Variants in GPM6A observed in about 807,000 individuals in gnomAD.
The protein encoded by GPM6A is neuronal membrane glycoprotein M6-a.
In GPM6A, 7 loss-of-function variants were observed where a neutral mutation model predicts 32.1. The observed-to-expected ratio is 0.22, with a 90% CI of 0.12 to 0.41. GPM6A has a LOEUF of 0.41. GPM6A is among the 10% of genes least tolerant of loss of function. The pLI is 1.00. For synonymous variants in GPM6A, 130 were observed against 123.4 expected, an observed-to-expected ratio of 1.05 and a Z score of -0.35; for missense variants, 235 against 347.2, an observed-to-expected ratio of 0.68 and a Z score of 2.57.
rs73008129 is a variant in GPM6A, at chr4:175,833,393, C to T, written c.-22-21144G>A. Among the ~76,000 whole-genome samples the T allele has an allele frequency of 4.8e-3, 735 of 152,232 alleles. 6 individuals are homozygous for T. Among genetic ancestry groups the T allele is most frequent in the African/African-American group, 0.016 (664 of 41,544 alleles). On this transcript the variant is annotated intron_variant, in intron 1 of 7. Transcript: ENST00000280187. Reference sequence around the variant, plus strand: ...AGGACTCTGTAGAAGCATGCAGAGACGCAGCTGAATGCTAGTCCGTTTGTT... The same window carrying T: ...AGGACTCTGTAGAAGCATGCAGAGATGCAGCTGAATGCTAGTCCGTTTGTT...
intron 4 of GPM6A, 112 bp downstream of exon 4, chr4:175,651,722 G>A: frequency 2.6e-6 from 2 of 767,376 alleles, no homozygotes; most frequent in Non-Finnish European, 4.3e-6. Flanking sequence ...TATCTCTGTG[G>A]TAGAAAAGGT....
At position 175,820,885 on chromosome 4, in the gene GPM6A, C is replaced by T. The variant is rs112373536; in HGVS notation, c.-22-8636G>A. 2.9e-3 allele frequency among the ~76,000 whole-genome samples: 437 copies of T among 152,198 alleles called. 1 individual carries two copies. Among genetic ancestry groups the T allele is most frequent in the African/African-American group, 1.0e-2 (415 of 41,536 alleles). ...CTTCCTCAATCTTTTAATGTATATG[C>T]GGATCTGTTGATAAACATTTAATAT... On this transcript the variant is annotated intron_variant, in intron 1 of 7. Coordinates refer to the GPM6A transcript ENST00000280187.
rs1423688187 is a variant in GPM6A at position 175,823,236 on chromosome 4, A to G, written c.-22-10987T>C. Among the ~76,000 whole-genome samples the G allele has an allele frequency of 2.6e-5, 4 of 152,216 alleles. No homozygotes were observed. The East Asian group carries it at 7.7e-4, about 29-fold the overall frequency. On this transcript the variant is annotated intron_variant, in intron 1 of 7. Coordinates refer to the GPM6A transcript ENST00000280187. ...AAGTCATTCAATACTTGATTAACAC[A>G]GTTGTTAGCCAACACATGTTAGCTT...
chr4:175,983,607 A>C (rs1740879876), intron 1 of GPM6A, among the ~76,000 whole-genome samples: 1 of 152,168 alleles, frequency 6.6e-6, no homozygotes, highest in Non-Finnish European at 1.5e-5. Context: ...ATGTTAAACC[A>C]TTTGAAACCA....
chr4:175,822,733 C>T (rs760519255), intron 1 of GPM6A, among the ~76,000 whole-genome samples: 1 of 151,172 alleles, frequency 6.6e-6, no homozygotes, highest in Non-Finnish European at 1.5e-5. Flanking sequence ...CATAGGTATA[C>T]ATGTGCCATG....
intron 2 of GPM6A, among the ~76,000 whole-genome samples, chr4:175,683,957 G>T (rs574981029): frequency 1.3e-5 from 2 of 151,340 alleles, no homozygotes; most frequent in Non-Finnish European, 2.9e-5. Context: ...TCAGCCTCCC[G>T]AATTGCTGGG....
intron 1 of GPM6A, among the ~76,000 whole-genome samples, chr4:175,838,430 A>T (rs1224974126): frequency 6.6e-6 from 1 of 150,472 alleles, no homozygotes; most frequent in Non-Finnish European, 1.5e-5. Flanking sequence ...TTCTACCCTA[A>T]ATAAGGAAAG....
intron 1 of GPM6A, among the ~76,000 whole-genome samples, chr4:175,782,495 A>G (rs1022447978): frequency 6.6e-6 from 1 of 152,142 alleles, no homozygotes; most frequent in South Asian, 2.1e-4. Flanking sequence ...CATATCTCTA[A>G]TATGTTTTTC....
rs531101103 is a variant in GPM6A at position 175,912,332 on chromosome 4, C to T, written c.-23+89977G>A. Among the ~76,000 whole-genome samples the T allele has an allele frequency of 3.3e-5, 5 of 152,066 alleles. No homozygotes were observed. The South Asian group carries it at 1.0e-3, about 32-fold the overall frequency. ...AAAGTAGTAAGATTTGATTTATATACCACTTCTGAGTATCAACTCATGGTT... is the reference window on the plus strand; with the variant it reads ...AAAGTAGTAAGATTTGATTTATATATCACTTCTGAGTATCAACTCATGGTT... On this transcript the variant is annotated intron_variant, in intron 1 of 7. Coordinates refer to the GPM6A transcript ENST00000280187.
chr4:175,850,520 G>T (rs1024571793), intron 1 of GPM6A, among the ~76,000 whole-genome samples: 1 of 152,056 alleles, frequency 6.6e-6, no homozygotes, highest in Non-Finnish European at 1.5e-5. Context: ...TGTTGGCTTT[G>T]ATATACTAAT....
At chr4:175,820,651 C>T (rs1249464297) in intron 1 of GPM6A, among the ~76,000 whole-genome samples, 1 of 152,046 alleles carries the variant, frequency 6.6e-6, no homozygotes, top group East Asian at 1.9e-4. Flanking sequence ...AGGCATGCGC[C>T]ACCACGCCCA....
chr4:175,651,883 G>C lies in GPM6A; in HGVS notation c.492C>G (p.Asn164Lys), dbSNP rs1331870126. ...MYFNLWTICR[N>K]TTLVEGANLC... ...GATTTGCTCCCTCCACTAATGTGGT[G>C]TTCCGGCAGATGGTCCACAGATTGA... The change falls in exon 4 of 7, where the codon AAC becomes AAG. Residue 164 changes from asparagine to lysine, a missense_variant. By Grantham distance (94) the Asn-to-Lys change is moderately conservative (BLOSUM62 0). This residue lies in a region of GPM6A where 107 missense variants were observed against 116.7 expected (regional missense o/e 0.92). Coordinates refer to ENST00000393658, the MANE Select transcript of GPM6A (RefSeq NM_201591.3). 1 of 1,613,392 alleles carries C rather than the reference G, an allele frequency of 6.2e-7. No homozygotes were observed. The highest frequency in any genetic ancestry group is 1.3e-5 in the African/African-American group (1 of 74,842).
chr4:175,776,987 T>C (rs1733421628), intron 1 of GPM6A, among the ~76,000 whole-genome samples: 1 of 152,178 alleles, frequency 6.6e-6, no homozygotes, highest in Non-Finnish European at 1.5e-5. Flanking sequence ...AACAAACATT[T>C]TATACACACA....
At chr4:175,771,460 A>G (rs1177460346) in intron 1 of GPM6A, among the ~76,000 whole-genome samples, 2 of 150,796 alleles carry the variant, frequency 1.3e-5, no homozygotes, top group African/African-American at 4.9e-5. Context: ...TGTCCCAGCT[A>G]CTGAGGAGGC....
At chr4:175,720,405 A>AGAATACTGCAAAATAGAAGAATGTCCATG (rs1746057670) in intron 1 of GPM6A, among the ~76,000 whole-genome samples, 1 of 152,214 alleles carries the variant, frequency 6.6e-6, no homozygotes, top group Admixed American at 6.5e-5. Flanking sequence ...AGTGAAAATA[A>AGAATACTGCAAAATAGAAGAATGTCCATG]GAATACTGCA....
chr4:175,637,634 T>A (rs1233872425), intron 6 of GPM6A, among the ~76,000 whole-genome samples: 1 of 822 alleles, frequency 1.2e-3, no homozygotes, highest in East Asian at 0.071. Flanking sequence ...ATTATATATA[T>A]ATTATATATT....
chr4:175,839,011 C>A (rs1488041076), intron 1 of GPM6A, among the ~76,000 whole-genome samples: 1 of 152,004 alleles, frequency 6.6e-6, no homozygotes, highest in Non-Finnish European at 1.5e-5. Flanking sequence ...CAGGAATAAT[C>A]AAAATAAACA....
intron 1 of GPM6A, among the ~76,000 whole-genome samples, chr4:175,908,469 T>A (rs1007844007): frequency 2.6e-5 from 4 of 152,130 alleles, no homozygotes; most frequent in African/African-American, 7.2e-5. Context: ...CTGGCTTTAA[T>A]TTGAACACAT....
intron 1 of GPM6A, among the ~76,000 whole-genome samples, chr4:175,738,316 C>G (rs1277892291): frequency 6.6e-6 from 1 of 152,008 alleles, no homozygotes; most frequent in Non-Finnish European, 1.5e-5. Flanking sequence ...GTCAGCCACC[C>G]AACATCAAAA....
Sources: gnomAD v4.1 joint callset for allele counts (sites outside exome capture counted in the v4.1 genomes callset) on GRCh38, gnomAD v4.1.1 for gene constraint, gnomAD v4.1.1 regional missense constraint, MANE v1.5 for transcripts, NCBI Gene and HGNC (gene_info 2026-07-23, HGNC 2026-07-21) for gene names.